Variants in TBC1D5 observed in about 807,000 individuals in gnomAD.
TBC1D5 encodes the protein TBC1 domain family member 5.
In TBC1D5, 75 loss-of-function variants were observed where a neutral mutation model predicts 100.3. The ratio of observed to expected loss-of-function variants is 0.75; its 90% CI spans 0.62 to 0.91. TBC1D5 has a LOEUF of 0.91. TBC1D5 is among the 40% of genes least tolerant of loss of function. The pLI, the probability that TBC1D5 is intolerant of heterozygous loss-of-function variation, is 0.00. For missense variants in TBC1D5, 910 were observed against 942.4 expected (o/e 0.97, Z 0.45); for synonymous variants, 323 against 325.6 (o/e 0.99, Z 0.09).
intron 8 of TBC1D5, among the ~76,000 whole-genome samples, chr3:17,394,694 A>C (rs1333904487): frequency 6.6e-6 from 1 of 152,122 alleles, no homozygotes; most frequent in Non-Finnish European, 1.5e-5. Flanking sequence ...TGAACTTCTA[A>C]AACAGTGGCT....
chr3:17,431,501 TAAAA>T (rs2094447259), intron 3 of TBC1D5, among the ~76,000 whole-genome samples: 1 of 151,972 alleles, frequency 6.6e-6, no homozygotes, highest in Non-Finnish European at 1.5e-5. Flanking sequence ...ATGAATTATA[TAAAA>T]TAAATAACAT....
intron 2 of TBC1D5, among the ~76,000 whole-genome samples, chr3:17,544,291 C>T (rs1333380190): frequency 2.0e-5 from 3 of 152,126 alleles, no homozygotes; most frequent in East Asian, 3.8e-4. Context: ...GAAAACCCAC[C>T]TATCACTGTA....
Position 17,511,184 on chromosome 3 carries a change from T to C in TBC1D5, c.-35-2579A>G, listed in dbSNP as rs1348530171. Among the ~76,000 whole-genome samples, 4 of 152,082 alleles carry C rather than the reference T, an allele frequency of 2.6e-5. No individual in the cohort carries two copies. The East Asian group carries it at 7.7e-4, about 29-fold the overall frequency. On this transcript the variant is annotated intron_variant, in intron 2 of 21. Transcript: ENST00000253692. Reference sequence around the variant, plus strand: ...CAAATAATTCAAATTAAAAGAAAAATACTGAGTAGAACAGATTAAACACTT... The same window carrying C: ...CAAATAATTCAAATTAAAAGAAAAACACTGAGTAGAACAGATTAAACACTT...
At chr3:17,198,035 T>G (rs1245641472) in intron 18 of TBC1D5, among the ~76,000 whole-genome samples, 1 of 152,090 alleles carries the variant, frequency 6.6e-6, no homozygotes, top group African/African-American at 2.4e-5. Flanking sequence ...AGTCCCTGTC[T>G]CAAGAAAAAA....
At chr3:17,422,133 A>C (rs2094221199) in intron 4 of TBC1D5, among the ~76,000 whole-genome samples, 1 of 152,040 alleles carries the variant, frequency 6.6e-6, no homozygotes, top group African/African-American at 2.4e-5. Flanking sequence ...AAATTGATTG[A>C]GCCAATATTC....
At chr3:17,594,812 G>A (rs1576911781) in intron 2 of TBC1D5, among the ~76,000 whole-genome samples, 2 of 152,142 alleles carry the variant, frequency 1.3e-5, no homozygotes, top group East Asian at 3.8e-4. Context: ...GATCTCAGGA[G>A]ATGCGAATGG....
At chr3:17,741,926 A>AGGC (rs931691558), upstream of TBC1D5, among the ~76,000 whole-genome samples, 3 of 150,644 alleles carry the variant, frequency 2.0e-5, no homozygotes, top group Non-Finnish European at 4.4e-5. Flanking sequence ...AGTGAAGTCA[A>AGGC]GGCTTCTCTC....
chr3:17,333,995 T>C (rs572948053), intron 13 of TBC1D5, among the ~76,000 whole-genome samples: 5 of 151,918 alleles, frequency 3.3e-5, no homozygotes, highest in Admixed American at 6.6e-5. Context: ...ATGGAACAAG[T>C]TGGGGAAATG....
At chr3:17,619,120 A>C (rs375218824) in intron 2 of TBC1D5, among the ~76,000 whole-genome samples, 2 of 152,256 alleles carry the variant, frequency 1.3e-5, no homozygotes, top group African/African-American at 4.8e-5. Flanking sequence ...CAAAACCTAC[A>C]TAAAGAAAAA....
chr3:17,449,899 C>T (rs928199180), intron 3 of TBC1D5, among the ~76,000 whole-genome samples: 18 of 152,218 alleles, frequency 1.2e-4, no homozygotes, highest in Admixed American at 6.5e-5. Context: ...CAGACTGCCT[C>T]CTCAAGTGGG....
rs191870027 is a variant in TBC1D5, at chr3:17,389,543, C to T, written c.510-5528G>A. Reference sequence around the variant, plus strand: ...AAACAGCCATATGAAAAGGCCATCGCGGGTGTTCTCACCACAGCTCCAGAG... The same window carrying T: ...AAACAGCCATATGAAAAGGCCATCGTGGGTGTTCTCACCACAGCTCCAGAG... On this transcript the variant is annotated intron_variant, in intron 8 of 21. Transcript: ENST00000253692. Among the ~76,000 whole-genome samples the T allele has an allele frequency of 1.4e-4, 21 of 152,192 alleles. No homozygotes were observed. The East Asian group carries it at 2.1e-3, about 15-fold the overall frequency.
intron 3 of TBC1D5, among the ~76,000 whole-genome samples, chr3:17,437,319 A>G (rs1017067769): frequency 2.6e-5 from 4 of 152,204 alleles, no homozygotes; most frequent in African/African-American, 9.7e-5. Context: ...AACACATAAT[A>G]ACACACAAAT....
chr3:17,382,996 A>C (rs1383845406), intron 9 of TBC1D5, among the ~76,000 whole-genome samples: 1 of 152,128 alleles, frequency 6.6e-6, no homozygotes, highest in Non-Finnish European at 1.5e-5. Flanking sequence ...GCAGTTAATT[A>C]ATACAGAAAA....
intron 1 of TBC1D5, among the ~76,000 whole-genome samples, chr3:17,704,725 G>A (rs2073769917): frequency 9.1e-5 from 5 of 54,922 alleles, no homozygotes; most frequent in African/African-American, 1.9e-4. Flanking sequence ...CCTCCCGGAC[G>A]GGGCGGCTGG....
intron 3 of TBC1D5, among the ~76,000 whole-genome samples, chr3:17,444,280 C>G (rs2094731111): frequency 6.6e-6 from 1 of 151,902 alleles, no homozygotes. Flanking sequence ...AAGTAGACAG[C>G]AAAACCCACC....
chr3:17,484,553 C>T (rs1034949586), intron 3 of TBC1D5, among the ~76,000 whole-genome samples: 9 of 149,562 alleles, frequency 6.0e-5, no homozygotes, highest in Admixed American at 4.7e-4. Flanking sequence ...TAAGGTAACA[C>T]CAGGGTGTGT....
At position 17,625,985 on chromosome 3, in the gene TBC1D5, G is replaced by T. The variant is rs1268757741; in HGVS notation, c.-100-2072C>A. On this transcript the variant is annotated intron_variant, in intron 1 of 21. Coordinates refer to ENST00000253692, the Ensembl canonical transcript of TBC1D5. Reference sequence around the variant, plus strand: ...TAAAATTTACTAAAATTATTTTAATGTCGGGCACCAATTAATCATTCTTTC... The same window carrying T: ...TAAAATTTACTAAAATTATTTTAATTTCGGGCACCAATTAATCATTCTTTC... Among the ~76,000 whole-genome samples the T allele has an allele frequency of 5.3e-5, 8 of 151,988 alleles. 1 individual carries two copies.
At chr3:17,454,276 T>A (rs1006335300) in intron 3 of TBC1D5, among the ~76,000 whole-genome samples, 3 of 152,104 alleles carry the variant, frequency 2.0e-5, no homozygotes, top group Non-Finnish European at 4.4e-5. Context: ...GCTTGGACAA[T>A]CAGATGAGAT....
intron 3 of TBC1D5, among the ~76,000 whole-genome samples, chr3:17,453,474 A>G (rs1369878062): frequency 6.6e-6 from 1 of 152,220 alleles, no homozygotes; most frequent in Non-Finnish European, 1.5e-5. Flanking sequence ...AGAAAACACT[A>G]TAACAGATAC....
Sources: gnomAD v4.1 joint callset for allele counts (sites outside exome capture counted in the v4.1 genomes callset) on GRCh38, gnomAD v4.1.1 for gene constraint, MANE v1.5 for transcripts, NCBI Gene and HGNC (gene_info 2026-07-23, HGNC 2026-07-21) for gene names.